MTUS1: variants seen among roughly 807,000 people sequenced by gnomAD.
MTUS1 encodes the protein microtubule-associated tumor suppressor 1.
MTUS1 carries 109 observed loss-of-function variants against 120.8 expected under a neutral mutation model. The ratio of observed to expected loss-of-function variants is 0.90; its 90% CI spans 0.77 to 1.06. The LOEUF is 1.06. Ranked by LOEUF, MTUS1 falls within the 50% of genes least tolerant of loss-of-function variation. MTUS1 has a pLI of 0.00. For missense variants in MTUS1, 2,210 were observed against 1,486.3 expected (o/e 1.49, Z -8.01); for synonymous variants, 737 against 550.5 (o/e 1.34, Z -4.74).
intron 3 of MTUS1, among the ~76,000 whole-genome samples, chr8:17,725,237 A>C (rs936467412): frequency 1.3e-5 from 2 of 152,218 alleles, no homozygotes; most frequent in Non-Finnish European, 2.9e-5. Context: ...TAAGGATCCC[A>C]TAAGTGAGTC....
chr8:17,715,786 C>A lies in MTUS1; in HGVS notation c.2565G>T (p.Leu855Phe), dbSNP rs375223669. 3.1e-6 allele frequency: 5 copies of A among 1,612,800 alleles called. No homozygotes were observed. In the African/African-American group the frequency reaches 5.3e-5, roughly 17 times the overall value. Residue 855 changes from leucine (L) to phenylalanine (F), a missense_variant, in exon 5 of 15, where the codon TTG becomes TTT. By Grantham distance (22) the Leu-to-Phe change is conservative. Transcript: ENST00000693296. ...KPLVSRAHVHLMKTPPKGPSR... is the reference protein window; with the variant it reads ...KPLVSRAHVHFMKTPPKGPSR... The stretch of plus-strand genomic sequence containing the variant: ...CTGTACCTTTTGGAGGAGTTTTCAT[C>A]AAGTGAACATGAGCCCTGGATACCA...
intron 1 of MTUS1, among the ~76,000 whole-genome samples, chr8:17,772,990 C>T (rs1362191223): frequency 6.6e-6 from 1 of 152,160 alleles, no homozygotes; most frequent in Non-Finnish European, 1.5e-5. Context: ...CTACTATGAA[C>T]TAAATTATCC....
chr8:17,667,295 T>C (rs2904717), intron 8 of MTUS1, among the ~76,000 whole-genome samples: 1 of 152,166 alleles, frequency 6.6e-6, no homozygotes, highest in Non-Finnish European at 1.5e-5. Context: ...GTACAGTTGG[T>C]TTTCAGTATA....
intron 8 of MTUS1, among the ~76,000 whole-genome samples, chr8:17,663,681 G>A (rs912307842): frequency 3.3e-5 from 5 of 151,870 alleles, no homozygotes; most frequent in African/African-American, 9.7e-5. Context: ...CTGCAACCTC[G>A]GCCTCCCAGG....
intron 3 of MTUS1, among the ~76,000 whole-genome samples, chr8:17,735,175 G>C (rs965798278): frequency 6.6e-6 from 1 of 152,032 alleles, no homozygotes; most frequent in Admixed American, 6.6e-5. Context: ...ACCCCTCTGA[G>C]GTGCTTCCCA....
chr8:17,796,210 C>G (rs1453759287), intron 1 of MTUS1, among the ~76,000 whole-genome samples: 1 of 1,150 alleles, frequency 8.7e-4, no homozygotes, highest in Admixed American at 5.3e-3. Context: ...CTTGGCCTCC[C>G]AAAGTGCTGG....
intron 3 of MTUS1, among the ~76,000 whole-genome samples, chr8:17,740,066 G>C (rs545053650): frequency 6.6e-6 from 1 of 152,090 alleles, no homozygotes; most frequent in South Asian, 2.1e-4. Flanking sequence ...AATTAGTTGG[G>C]CGTGGTGGTG....
At chr8:17,666,585 A>G (rs538107051) in intron 8 of MTUS1, among the ~76,000 whole-genome samples, 1 of 152,300 alleles carries the variant, frequency 6.6e-6, no homozygotes, top group African/African-American at 2.4e-5. Context: ...ATGATCATTA[A>G]AAGTGCAGAT....
At chr8:17,657,490 C>G (rs1449288160) in intron 8 of MTUS1, among the ~76,000 whole-genome samples, 1 of 149,830 alleles carries the variant, frequency 6.7e-6, no homozygotes, top group Admixed American at 6.6e-5. Context: ...ATGGCGTGAA[C>G]CCGGGAGGCG....
At chr8:17,728,944 A>G (rs2046389915) in intron 3 of MTUS1, among the ~76,000 whole-genome samples, 1 of 152,234 alleles carries the variant, frequency 6.6e-6, no homozygotes, top group South Asian at 2.1e-4. Flanking sequence ...TTAACTAAAA[A>G]ATGAAAAGAT....
At chr8:17,672,161 T>C (rs553706236) in intron 8 of MTUS1, among the ~76,000 whole-genome samples, 18 of 152,304 alleles carry the variant, frequency 1.2e-4, no homozygotes, top group African/African-American at 4.1e-4. Flanking sequence ...TTTAGTCTAA[T>C]GATTATTCCT....
intron 6 of MTUS1, among the ~76,000 whole-genome samples, chr8:17,710,194 C>T (rs1001308183): frequency 3.3e-5 from 5 of 152,110 alleles, no homozygotes; most frequent in African/African-American, 1.2e-4. Flanking sequence ...TAAAGTAAGA[C>T]AGCAATGAAG....
At chr8:17,789,392 C>T (rs2051578832) in intron 1 of MTUS1, among the ~76,000 whole-genome samples, 1 of 152,134 alleles carries the variant, frequency 6.6e-6, no homozygotes, top group Admixed American at 6.6e-5. Context: ...GTAGCTCAGA[C>T]TGTTTGAGGG....
intron 8 of MTUS1, among the ~76,000 whole-genome samples, chr8:17,664,780 C>T (rs546603688): frequency 9.2e-5 from 14 of 152,242 alleles, no homozygotes; most frequent in Admixed American, 3.9e-4. Flanking sequence ...CCATGGCAAG[C>T]GACTATGTAG....
Position 17,769,346 on chromosome 8 carries a change from ATTTT to A in MTUS1, c.-154-13389_-154-13386del, listed in dbSNP as rs34688586. On this transcript the variant is annotated intron_variant, in intron 1 of 14. Coordinates refer to ENST00000693296, the MANE Select transcript of MTUS1 (RefSeq NM_001363059.2). ...TGCATTTCTGAAGGCTTAGTCAGTA[ATTTT>A]TTTTTTTTTTTTTTTGAGACAGAGT... 5.0e-4 allele frequency among the ~76,000 whole-genome samples: 53 copies of A among 106,040 alleles called. 1 individual carries two copies. Among genetic ancestry groups the A allele is most frequent in the Non-Finnish European group, 4.7e-4 (24 of 51,354 alleles). 69.6% of individuals were successfully genotyped at this position (106,040 alleles called of 152,430 possible). A position where few individuals can be genotyped will look rare whatever the true frequency, so the allele number is the denominator to read the frequency against.
Position 17,732,310 on chromosome 8 carries a change from G to A in MTUS1, c.2288-8477C>T, listed in dbSNP as rs1413006588. On this transcript the variant is annotated intron_variant, in intron 3 of 14. Coordinates refer to ENST00000693296, the MANE Select transcript of MTUS1 (RefSeq NM_001363059.2). ...ATGTCCACTGGTTGGGTTTTCTGTC[G>A]CCTGCTGTAAATTGTGTTCTTAACT... Among the ~76,000 whole-genome samples the A allele has an allele frequency of 4.6e-5, 7 of 152,266 alleles. No homozygotes were observed. The East Asian group carries it at 5.8e-4, about 13-fold the overall frequency.
intron 7 of MTUS1, among the ~76,000 whole-genome samples, chr8:17,683,203 T>TA (rs1814983853): frequency 1.3e-5 from 2 of 152,068 alleles, no homozygotes; most frequent in African/African-American, 2.4e-5. Flanking sequence ...ACCCGGGAGA[T>TA]AGAGCTTGTA....
At chr8:17,794,049 C>T (rs562523109) in intron 1 of MTUS1, among the ~76,000 whole-genome samples, 85 of 152,218 alleles carry the variant, frequency 5.6e-4, no homozygotes, top group Non-Finnish European at 8.8e-4. Flanking sequence ...AAACACAGGC[C>T]GGGCACAGTG....
intron 3 of MTUS1, 92 bp downstream of exon 3, chr8:17,743,512 G>C: frequency 8.2e-7 from 1 of 1,221,296 alleles, no homozygotes; most frequent in South Asian, 1.5e-5. Context: ...AAGGCTAACT[G>C]CTTTAGTGAC....
Sources: gnomAD v4.1 joint callset for allele counts (sites outside exome capture counted in the v4.1 genomes callset) on GRCh38, gnomAD v4.1.1 for gene constraint, MANE v1.5 for transcripts, NCBI Gene and HGNC (gene_info 2026-07-23, HGNC 2026-07-21) for gene names.